COASY: variants seen among roughly 807,000 people sequenced by gnomAD.
COASY encodes the protein bifunctional coenzyme A synthase.
In COASY, 31 loss-of-function variants were observed where a neutral mutation model predicts 49.4. The observed-to-expected ratio is 0.63, with a 90% CI of 0.47 to 0.85. COASY has a LOEUF of 0.85. Among genes scored for constraint, COASY ranks in the 40% least tolerant of loss-of-function variants. The pLI, the probability that COASY is intolerant of heterozygous loss-of-function variation, is 0.00. For missense variants in COASY, 730 were observed against 734.1 expected (o/e 0.99, Z 0.06); for synonymous variants, 285 against 310.9 (o/e 0.92, Z 0.88).
chr17:42,563,187 C>T lies in COASY; in HGVS notation c.565C>T (p.Arg189Cys), dbSNP rs759913830. 9.3e-6 allele frequency: 15 copies of T among 1,613,834 alleles called. No individual in the cohort carries two copies. In the South Asian group the frequency reaches 1.3e-4, roughly 14 times the overall value. The part of the protein sequence containing the change: ...PVAGSPKQPV[R>C]GYYRGAVGGT... ...GGCCGGGTCTCCAAAGCAGCCGGTGCGTGGCTACTACCGTGGCGCTGTCGG... is the reference window on the plus strand; with the variant it reads ...GGCCGGGTCTCCAAAGCAGCCGGTGTGTGGCTACTACCGTGGCGCTGTCGG... The change falls in exon 1 of 9, where the codon CGT becomes TGT. Residue 189 changes from arginine to cysteine, a missense_variant. Physicochemically the swap from Arg to Cys is radical, Grantham distance 180 (BLOSUM62 -3). Transcript: ENST00000393818.
In COASY at chr17:42,566,231, C is replaced by T. The variant is rs553970054; in HGVS notation, c.*263C>T. On this transcript the variant is annotated 3_prime_UTR_variant, in exon 9 of 9. Coordinates refer to ENST00000393818, the MANE Select transcript of COASY (RefSeq NM_025233.7). ...CTTACCCACAGCTGACTAGGGCCAG[C>T]GCAAATACTGGAACCTGTAACAGAA... The T allele has an allele frequency of 1.1e-5, 6 of 535,172 alleles. No individual in the cohort carries two copies. The highest frequency in any genetic ancestry group is 6.6e-5 in the Admixed American group (2 of 30,530). 33.2% of individuals were successfully genotyped at this position (535,172 alleles called of 1,614,324 possible). A position where few individuals can be genotyped will look rare whatever the true frequency, so the allele number is the denominator to read the frequency against.
In COASY at chr17:42,563,325, G is replaced by C. The variant is rs763314347; in HGVS notation, c.700+3G>C. ...AGCAGACAAAGATCTGTTGAAGAGT[G>C]AGTAAGAGGGACCCTGGACTAGGGT... On this transcript the variant is annotated splice_donor_region_variant and intron_variant, in intron 1 of 8. Coordinates refer to ENST00000393818, the MANE Select transcript of COASY (RefSeq NM_025233.7). 5 of 1,576,688 alleles carry C rather than the reference G, an allele frequency of 3.2e-6. No individual in the cohort carries two copies. In the South Asian group the frequency reaches 5.6e-5, roughly 18 times the overall value.
In COASY at chr17:42,564,769, G is replaced by A; in HGVS notation, c.1108G>A (p.Gly370Arg). The A allele has an allele frequency of 1.3e-6, 2 of 1,536,314 alleles. No homozygotes were observed. The highest frequency in any genetic ancestry group is 2.6e-5 in the South Asian group (2 of 77,036). The part of the protein sequence containing the change: ...VIGLTGISGS[G>R]KSSIAQRLKG... ...TGGGCTGACTGGCATCAGTGGCTCTGGGAAGAGCTCAATAGCTCAGCGACT... is the reference window on the plus strand; with the variant it reads ...TGGGCTGACTGGCATCAGTGGCTCTAGGAAGAGCTCAATAGCTCAGCGACT... Residue 370 changes from glycine (G) to arginine (R), a missense_variant, in exon 4 of 9, where the codon GGG becomes AGG. Physicochemically the swap from Gly to Arg is moderately radical, Grantham distance 125. Transcript: ENST00000393818.
chr17:42,562,640 G>C lies in COASY; in HGVS notation c.18G>C (p.Ser6=). 1 of 1,521,198 alleles carries C rather than the reference G, an allele frequency of 6.6e-7. No homozygotes were observed. Among genetic ancestry groups the C allele is most frequent in the Non-Finnish European group, 8.8e-7 (1 of 1,139,342 alleles). 94.2% of individuals were successfully genotyped at this position (1,521,198 alleles called of 1,614,324 possible). A position where few individuals can be genotyped will look rare whatever the true frequency, so the allele number is the denominator to read the frequency against. ...TGGGCAGCATGGCCGTATTCCGGTC[G>C]GGTCTCCTGGTGCTGACGACGCCGC... MAVFR[S]GLLVLTTPLA... The change falls in exon 1 of 9, where the codon TCG becomes TCC. Residue 6 remains serine, a synonymous_variant. Coordinates refer to ENST00000393818, the MANE Select transcript of COASY (RefSeq NM_025233.7).
Position 42,562,235 on chromosome 17 carries a change from A to C in COASY, c.-388A>C. 4 of 569,044 alleles carry C rather than the reference A, an allele frequency of 7.0e-6. No homozygotes were observed. The South Asian group carries it at 8.8e-5, about 13-fold the overall frequency. 35.2% of individuals were successfully genotyped at this position (569,044 alleles called of 1,614,324 possible). On this transcript the variant is annotated 5_prime_UTR_variant, in exon 1 of 9. Transcript: ENST00000393818. ...TGAGGTTTCAGTGAGTAGGGGGCCGACGTGAGCTTTAGCGTCCCCCTTTAG... is the reference window on the plus strand; with the variant it reads ...TGAGGTTTCAGTGAGTAGGGGGCCGCCGTGAGCTTTAGCGTCCCCCTTTAG...
chr17:42,564,877 G>A lies in COASY; in HGVS notation c.1216G>A (p.Val406Met). 1 of 1,605,686 alleles carries A rather than the reference G, an allele frequency of 6.2e-7. No individual in the cohort carries two copies. The highest frequency in any genetic ancestry group is 8.5e-7 in the Non-Finnish European group (1 of 1,175,060). Residue 406 changes from valine to methionine, a missense_variant, in exon 4 of 9, where the codon GTG (valine) becomes ATG (methionine). Val to Met is a conservative substitution (Grantham distance 21). Coordinates refer to ENST00000393818, the MANE Select transcript of COASY (RefSeq NM_025233.7). The part of the protein sequence containing the change: ...YAPGGPAYQP[V>M]VEAFGTDILH... ...CCCAGGTGGCCCTGCCTACCAGCCT[G>A]TGGTGGAGGCCTTTGGAACAGGTAA... is the stretch of plus-strand genomic sequence containing the variant.
Position 42,562,264 on chromosome 17 carries a change from C to T in COASY, c.-359C>T. The stretch of plus-strand genomic sequence containing the variant: ...GAGCTTTAGCGTCCCCCTTTAGCCT[C>T]CCTCTTCGATTCCTTGAAGACCCTG... On this transcript the variant is annotated 5_prime_UTR_variant, in exon 1 of 9. Transcript: ENST00000393818. 2 of 663,504 alleles carry T rather than the reference C, an allele frequency of 3.0e-6. No homozygotes were observed. Among genetic ancestry groups the T allele is most frequent in the Admixed American group, 2.8e-5 (1 of 35,944 alleles). 41.1% of individuals were successfully genotyped at this position (663,504 alleles called of 1,614,324 possible). A position where few individuals can be genotyped will look rare whatever the true frequency, so the allele number is the denominator to read the frequency against.
In COASY at chr17:42,562,200, A is replaced by G; in HGVS notation, c.-423A>G. On this transcript the variant is annotated 5_prime_UTR_variant, in exon 1 of 9. Transcript: ENST00000393818. ...AAGCCTCCGCGGTGGTGCAAGTGGA[A>G]CCCAAGCCTTGAGGTTTCAGTGAGT... 2.1e-6 allele frequency: 1 copy of G among 475,058 alleles called. No homozygotes were observed. Among genetic ancestry groups the G allele is most frequent in the Non-Finnish European group, 3.7e-6 (1 of 267,298 alleles). The allele number at this position is 475,058 out of a possible 1,614,324, so 29.4% of individuals were successfully genotyped here. A position where few individuals can be genotyped will look rare whatever the true frequency, so the allele number is the denominator to read the frequency against.
In COASY at chr17:42,563,189, T is replaced by C. The variant is rs1395765663; in HGVS notation, c.567T>C (p.Arg189=). Residue 189 remains arginine, a synonymous_variant, in exon 1 of 9, where the codon CGT becomes CGC. Transcript: ENST00000393818. ...CCGGGTCTCCAAAGCAGCCGGTGCG[T>C]GGCTACTACCGTGGCGCTGTCGGTG... ...PVAGSPKQPV[R]GYYRGAVGGT... The C allele has an allele frequency of 6.2e-7, 1 of 1,613,962 alleles. No individual in the cohort carries two copies. Among genetic ancestry groups the C allele is most frequent in the Non-Finnish European group, 8.5e-7 (1 of 1,180,028 alleles).
chr17:42,562,726 A>T lies in COASY; in HGVS notation c.104A>T (p.His35Leu). 6.3e-7 allele frequency: 1 copy of T among 1,582,362 alleles called. No individual in the cohort carries two copies. Among genetic ancestry groups the T allele is most frequent in the Non-Finnish European group, 8.6e-7 (1 of 1,161,968 alleles). Reference sequence around the variant, plus strand: ...ACCTCGGCGGCCCGGCTGGTGAATCACACACTCTATGTTCACCTGCAGCCG... The same window carrying T: ...ACCTCGGCGGCCCGGCTGGTGAATCTCACACTCTATGTTCACCTGCAGCCG... Reference protein sequence around the residue: ...ILTSAARLVNHTLYVHLQPGM... With the variant: ...ILTSAARLVNLTLYVHLQPGM... Residue 35 changes from histidine to leucine, a missense_variant, in exon 1 of 9, where the codon CAC becomes CTC. Transcript: ENST00000393818.
rs1343394026 is a variant in COASY at position 42,563,213 on chromosome 17, T to C, written c.591T>C (p.Gly197=). 2.5e-6 allele frequency: 4 copies of C among 1,613,742 alleles called. No homozygotes were observed. In the South Asian group the frequency reaches 3.3e-5, roughly 13 times the overall value. Residue 197 remains glycine, a synonymous_variant, in exon 1 of 9, where the codon GGT becomes GGC. Coordinates refer to ENST00000393818, the MANE Select transcript of COASY (RefSeq NM_025233.7). ...GTGGCTACTACCGTGGCGCTGTCGG[T>C]GGCACGTTTGACCGCCTGCACAACG... ...PVRGYYRGAV[G]GTFDRLHNAH... is the part of the protein sequence containing the mutation.
At chr17:42,565,592 C>G in intron 7 of COASY, 24 bp downstream of exon 7, 1 of 1,613,986 alleles carries the variant, frequency 6.2e-7, no homozygotes, top group Non-Finnish European at 8.5e-7. Context: ...CCCCCCACAC[C>G]ATCCCTACTG....
At position 42,562,529 on chromosome 17, in the gene COASY, T is replaced by C. The variant is rs1263949049; in HGVS notation, c.-94T>C. 3 of 1,611,586 alleles carry C rather than the reference T, an allele frequency of 1.9e-6. No individual in the cohort carries two copies. The highest frequency in any genetic ancestry group is 2.7e-5 in the African/African-American group (2 of 74,900). ...CGTCCCTGCTCCAGGCCTCCTTCTCTGGGGTCCAAGGTCCCATACAGGCCT... is the reference window on the plus strand; with the variant it reads ...CGTCCCTGCTCCAGGCCTCCTTCTCCGGGGTCCAAGGTCCCATACAGGCCT... On this transcript the variant is annotated 5_prime_UTR_variant, in exon 1 of 9. Coordinates refer to ENST00000393818, the MANE Select transcript of COASY (RefSeq NM_025233.7).
chr17:42,564,064 C>A lies in COASY; in HGVS notation c.804C>A (p.Pro268=), dbSNP rs11539242. ...CCTCCTTGACTTTTGATGTCATCCCCCTGCTGGACCCCTATGGGCCCGCTG... is the reference window on the plus strand; with the variant it reads ...CCTCCTTGACTTTTGATGTCATCCCACTGCTGGACCCCTATGGGCCCGCTG... The part of the protein sequence containing the change: ...IKPSLTFDVI[P]LLDPYGPAGS... The change falls in exon 2 of 9, where the codon CCC becomes CCA. Residue 268 remains proline, a synonymous_variant. Transcript: ENST00000393818. 6.2e-7 allele frequency: 1 copy of A among 1,614,004 alleles called. No homozygotes were observed. The highest frequency in any genetic ancestry group is 1.7e-5 in the Admixed American group (1 of 59,984).
Position 42,565,246 on chromosome 17 carries a change from C to G in COASY, c.1322C>G (p.Thr441Arg). The change falls in exon 6 of 9, where the codon ACG (threonine) becomes AGG (arginine). Residue 441 changes from threonine (T) to arginine (R), a missense_variant. Thr to Arg is a moderately conservative substitution (Grantham distance 71). Transcript: ENST00000393818. ...FGNKKQLKIL[T>R]DIMWPIIAKL... ...CCCCAGAAGCAGCTGAAGATACTCA[C>G]GGACATTATGTGGCCAATTATCGCA... The G allele has an allele frequency of 1.2e-6, 2 of 1,614,112 alleles. No homozygotes were observed. The highest frequency in any genetic ancestry group is 8.5e-7 in the Non-Finnish European group (1 of 1,180,018).
At chr17:42,565,607 T>C in intron 7 of COASY, 39 bp downstream of exon 7, 1 of 1,613,928 alleles carries the variant, frequency 6.2e-7, no homozygotes, top group Non-Finnish European at 8.5e-7. Context: ...CTACTGCAGA[T>C]CCTATCCTGT....
chr17:42,566,078 A>G lies in COASY; in HGVS notation c.*110A>G, dbSNP rs1000695609. 2.0e-5 allele frequency: 24 copies of G among 1,194,444 alleles called. No homozygotes were observed. In the Admixed American group the frequency reaches 3.5e-4, roughly 17 times the overall value. 74.0% of individuals were successfully genotyped at this position (1,194,444 alleles called of 1,614,324 possible). A position where few individuals can be genotyped will look rare whatever the true frequency, so the allele number is the denominator to read the frequency against. On this transcript the variant is annotated 3_prime_UTR_variant, in exon 9 of 9. Coordinates refer to ENST00000393818, the MANE Select transcript of COASY (RefSeq NM_025233.7). Reference sequence around the variant, plus strand: ...TGGTTCAGGCCCAGAGGTCCAAGCTATACTGTGCAGGACATGGCCAGGCCT... The same window carrying G: ...TGGTTCAGGCCCAGAGGTCCAAGCTGTACTGTGCAGGACATGGCCAGGCCT...
In COASY at chr17:42,564,429, T is replaced by G; in HGVS notation, c.916-17T>G. 6.2e-7 allele frequency: 1 copy of G among 1,613,978 alleles called. No homozygotes were observed. Among genetic ancestry groups the G allele is most frequent in the East Asian group, 2.2e-5 (1 of 44,876 alleles). On this transcript the variant is annotated splice_polypyrimidine_tract_variant and intron_variant, in intron 2 of 8. Transcript: ENST00000393818. ...ACTCCCTCCTTCCCTCTTTTTACCCTTTCCTCTTTACCCCAGGACCTGGAG... is the reference window on the plus strand; with the variant it reads ...ACTCCCTCCTTCCCTCTTTTTACCCGTTCCTCTTTACCCCAGGACCTGGAG...
At position 42,564,000 on chromosome 17, in the gene COASY, G is replaced by A. The variant is rs776578070; in HGVS notation, c.740G>A (p.Arg247His). ...GAGCTGCTCCAACCTTATACAGAAC[G>A]TGTGGAACATCTGAGTGAATTCCTG... ...LPELLQPYTE[R>H]VEHLSEFLVD... Residue 247 changes from arginine to histidine, a missense_variant, in exon 2 of 9, where the codon CGT (arginine) becomes CAT (histidine). By Grantham distance (29) the Arg-to-His change is conservative. Coordinates refer to ENST00000393818, the MANE Select transcript of COASY (RefSeq NM_025233.7). 9.9e-6 allele frequency: 16 copies of A among 1,613,954 alleles called. No individual in the cohort carries two copies. Among genetic ancestry groups the A allele is most frequent in the Middle Eastern group, 1.7e-4 (1 of 6,060 alleles).
Sources: gnomAD v4.1 joint callset for allele counts on GRCh38, gnomAD v4.1.1 for gene constraint, MANE v1.5 for transcripts, NCBI Gene and HGNC (gene_info 2026-07-23, HGNC 2026-07-21) for gene names.